Variants in NCEH1 observed in about 807,000 individuals in gnomAD.
NCEH1 encodes the protein 2-acetyl MAGE hydrolase.
A neutral mutation model predicts 25.4 loss-of-function variants in NCEH1; 9 were observed. That is an observed-to-expected ratio of 0.35 (90% CI 0.21 to 0.62). The LOEUF (loss-of-function observed/expected upper bound fraction) is 0.62. NCEH1 is among the 20% of genes least tolerant of loss of function. The probability of loss-of-function intolerance (pLI) is 0.72; values close to 1 mark genes in which losing one functional copy is unlikely to be tolerated. For missense variants in NCEH1, 412 were observed against 501.1 expected (o/e 0.82, Z 1.70); for synonymous variants, 200 against 199.8 (o/e 1.00, Z -0.01).
rs747885028 is a variant in NCEH1, at chr3:172,711,053, C to A, written c.-69G>T. On this transcript the variant is annotated 5_prime_UTR_variant, in exon 1 of 5. Transcript: ENST00000475381. ...GGCGATACCACCCGGAGACCTCCGG[C>A]AACTTTCTGCCCGCGGCAGCTGCTC... 1.1e-5 allele frequency: 17 copies of A among 1,609,720 alleles called. No individual in the cohort carries two copies. Among genetic ancestry groups the A allele is most frequent in the Non-Finnish European group, 1.4e-5 (17 of 1,176,884 alleles).
intron 1 of NCEH1, among the ~76,000 whole-genome samples, chr3:172,649,525 T>C (rs1717295634): frequency 6.6e-6 from 1 of 152,238 alleles, no homozygotes; most frequent in Non-Finnish European, 1.5e-5. Flanking sequence ...TTGATACTAA[T>C]TTATGCATGT....
intron 1 of NCEH1, among the ~76,000 whole-genome samples, chr3:172,689,251 CTTTTT>C (rs34888694): frequency 3.7e-5 from 3 of 80,936 alleles, no homozygotes; most frequent in African/African-American, 1.0e-4. Flanking sequence ...CTTGGAGTAA[CTTTTT>C]TTTTTTTTTT....
intron 1 of NCEH1, among the ~76,000 whole-genome samples, chr3:172,657,917 C>A (rs1717777186): frequency 6.6e-6 from 1 of 152,138 alleles, no homozygotes; most frequent in Non-Finnish European, 1.5e-5. Context: ...GATAAATCTA[C>A]AGGAATTTTG....
intron 1 of NCEH1, among the ~76,000 whole-genome samples, chr3:172,685,696 A>C (rs1413577944): frequency 6.6e-6 from 1 of 151,712 alleles, no homozygotes; most frequent in African/African-American, 2.4e-5. Context: ...CTTTATACTT[A>C]TTTTGTTTTG....
At chr3:172,663,347 C>G (rs1445535187) in intron 1 of NCEH1, among the ~76,000 whole-genome samples, 1 of 152,094 alleles carries the variant, frequency 6.6e-6, no homozygotes, top group African/African-American at 2.4e-5. Context: ...AATTTCTGTT[C>G]TTTTACATTT....
chr3:172,658,840 CTTTTTTTTTTTTTTT>C (rs33955977), intron 1 of NCEH1, among the ~76,000 whole-genome samples: 13 of 74,204 alleles, frequency 1.8e-4, no homozygotes, highest in African/African-American at 5.3e-4. Context: ...AATTCCAAAA[CTTTTTTTTTTTTTTT>C]TTTTTTTTTT....
At chr3:172,678,809 T>C (rs1712170299) in intron 1 of NCEH1, among the ~76,000 whole-genome samples, 1 of 152,178 alleles carries the variant, frequency 6.6e-6, no homozygotes, top group Non-Finnish European at 1.5e-5. Context: ...GTGAACACTG[T>C]ACCAAACAGG....
intron 3 of NCEH1, among the ~76,000 whole-genome samples, chr3:172,641,552 G>A (rs148858126): frequency 2.0e-5 from 3 of 152,258 alleles, no homozygotes; most frequent in East Asian, 1.9e-4. Flanking sequence ...AAGCCATGAC[G>A]CCACTACCCA....
chr3:172,698,342 C>T (rs1490383411), intron 1 of NCEH1, among the ~76,000 whole-genome samples: 1 of 152,092 alleles, frequency 6.6e-6, no homozygotes, highest in African/African-American at 2.4e-5. Context: ...GCTGTCTGGC[C>T]CTGCCTCTCA....
chr3:172,657,838 C>T (rs1717774321), intron 1 of NCEH1, among the ~76,000 whole-genome samples: 1 of 152,178 alleles, frequency 6.6e-6, no homozygotes. Context: ...TTTTAACCTG[C>T]CATTCTCTTT....
At position 172,630,936 on chromosome 3, in the gene NCEH1, T is replaced by C. The variant is rs984852332; in HGVS notation, c.*2539A>G. 2.7e-5 allele frequency: 4 copies of C among 147,444 alleles called. No homozygotes were observed. The highest frequency in any genetic ancestry group is 6.1e-5 in the Non-Finnish European group (4 of 65,578). 9.1% of individuals were successfully genotyped at this position (147,444 alleles called of 1,614,324 possible). ...CAGCACTTCAAGGTTTTTCTTTATA[T>C]ATTAATGTTTATATTTCACAGACAA... On this transcript the variant is annotated 3_prime_UTR_variant, in exon 5 of 5. Coordinates refer to ENST00000475381, the MANE Select transcript of NCEH1 (RefSeq NM_020792.6).
rs1433437307 is a variant in NCEH1, at chr3:172,710,871, G to A, written c.114C>T (p.Ala38=). 1 of 1,613,998 alleles carries A rather than the reference G, an allele frequency of 6.2e-7. No homozygotes were observed. The highest frequency in any genetic ancestry group is 1.3e-5 in the African/African-American group (1 of 74,950). ...SDPWKLMLLD[A]TFRGAQQVSN... ...CCACTTGCTGTGCACCCCGGAAAGT[G>A]GCGTCCAGCAGCATCAGCTTCCAGG... The change falls in exon 1 of 5, where the codon GCC becomes GCT. Residue 38 remains alanine (A), a synonymous_variant. Transcript: ENST00000475381.
chr3:172,654,051 G>A (rs9822942), intron 1 of NCEH1, among the ~76,000 whole-genome samples: 26,498 of 152,000 alleles, frequency 0.17, 2,377 homozygotes, highest in East Asian at 0.19. Flanking sequence ...CACCGTGCCC[G>A]GCCTGGAAAG....
chr3:172,668,228 A>C (rs1718311574), intron 1 of NCEH1, among the ~76,000 whole-genome samples: 1 of 152,228 alleles, frequency 6.6e-6, no homozygotes, highest in South Asian at 2.1e-4. Flanking sequence ...AAGGGAAGAA[A>C]GCAGGTAGGG....
chr3:172,631,839 T>C lies in NCEH1; in HGVS notation c.*1636A>G, dbSNP rs1320804368. 1 of 152,644 alleles carries C rather than the reference T, an allele frequency of 6.6e-6. No homozygotes were observed. The highest frequency in any genetic ancestry group is 6.5e-5 in the Admixed American group (1 of 15,280). The allele number at this position is 152,644 out of a possible 1,614,324, so 9.5% of individuals were successfully genotyped here. A position where few individuals can be genotyped will look rare whatever the true frequency, so the allele number is the denominator to read the frequency against. ...GTGGTGCCCTGTATCATTACTCAGC[T>C]CTGCTGCTGCTCTCCGCAGCCCCTA... On this transcript the variant is annotated 3_prime_UTR_variant, in exon 5 of 5. Transcript: ENST00000475381.
intron 1 of NCEH1, among the ~76,000 whole-genome samples, chr3:172,659,752 G>C (rs1186456749): frequency 6.6e-6 from 1 of 152,214 alleles, no homozygotes; most frequent in Non-Finnish European, 1.5e-5. Context: ...GAAAGGATTT[G>C]TAACTCTCCT....
intron 1 of NCEH1, among the ~76,000 whole-genome samples, chr3:172,651,699 C>T (rs982799916): frequency 1.3e-5 from 2 of 151,860 alleles, no homozygotes; most frequent in African/African-American, 2.4e-5. Flanking sequence ...GCTGAGATTA[C>T]AGGCATGCAC....
At chr3:172,636,118 G>C in intron 3 of NCEH1, 31 bp from the exon 4 acceptor site, 1 of 1,544,270 alleles carries the variant, frequency 6.5e-7, no homozygotes, top group South Asian at 1.2e-5. Context: ...TTCATTTAAG[G>C]CCTTCTCCAA....
chr3:172,651,955 A>C (rs1382111269), intron 1 of NCEH1, among the ~76,000 whole-genome samples: 1 of 152,210 alleles, frequency 6.6e-6, no homozygotes, highest in Non-Finnish European at 1.5e-5. Flanking sequence ...AGATGGTAGA[A>C]GAGGGGAAGA....
Sources: allele counts gnomAD v4.1 joint callset (sites outside exome capture counted in the v4.1 genomes callset), GRCh38; gene constraint gnomAD v4.1.1; transcripts MANE v1.5; gene names NCBI Gene and HGNC (gene_info 2026-07-23, HGNC 2026-07-21).